FBXO36: variants seen among roughly 807,000 people sequenced by gnomAD.
FBXO36 encodes the protein F-box protein 36, also known as F-box only protein 36.
Under a neutral mutation model 17.0 loss-of-function variants are expected in FBXO36, and 18 were observed. That is an observed-to-expected ratio of 1.06 (90% CI 0.73 to 1.57). The LOEUF is 1.57. Ranked by LOEUF, FBXO36 falls within the 40% of genes most tolerant of loss-of-function variation. The pLI is 0.00. For synonymous variants in FBXO36, 83 were observed against 85.3 expected, an observed-to-expected ratio of 0.97 and a Z score of 0.15; for missense variants, 229 against 221.9, an observed-to-expected ratio of 1.03 and a Z score of -0.20.
chr2:229,939,959 C>T (rs145763514), intron 1 of FBXO36, among the ~76,000 whole-genome samples: 2,346 of 152,066 alleles, frequency 0.015, 45 homozygotes, highest in Non-Finnish European at 0.025. Context: ...GGCGCAGGCC[C>T]GTAGTCCCAG....
chr2:229,981,717 A>G (rs2077241242), intron 2 of FBXO36, among the ~76,000 whole-genome samples: 1 of 140,072 alleles, frequency 7.1e-6, no homozygotes, highest in Admixed American at 7.3e-5. Context: ...AAAAAAAAAA[A>G]GAAAGAAAGA....
chr2:229,997,499 AC>A (rs1385194924), intron 3 of FBXO36, among the ~76,000 whole-genome samples: 1 of 150,916 alleles, frequency 6.6e-6, no homozygotes, highest in Non-Finnish European at 1.5e-5. Context: ...AATCACTTGA[AC>A]CCGGGAGGTG....
intron 3 of FBXO36, among the ~76,000 whole-genome samples, chr2:230,006,349 G>A (rs1319772537): frequency 6.6e-6 from 1 of 152,086 alleles, no homozygotes; most frequent in African/African-American, 2.4e-5. Context: ...GCCTGCCTTG[G>A]CCTCCCAAAG....
chr2:229,994,868 C>G (rs755643373), intron 2 of FBXO36, among the ~76,000 whole-genome samples: 1 of 152,162 alleles, frequency 6.6e-6, no homozygotes, highest in Non-Finnish European at 1.5e-5. Context: ...GTAATCCCAG[C>G]ACTTTGGGAG....
chr2:229,923,847 GTTTTTTT>G (rs71045800), intron 1 of FBXO36, among the ~76,000 whole-genome samples: 18 of 77,698 alleles, frequency 2.3e-4, no homozygotes, highest in African/African-American at 8.9e-4. Context: ...TTTTGGTGTT[GTTTTTTT>G]TTTTTTTTTT....
intron 3 of FBXO36, among the ~76,000 whole-genome samples, chr2:230,004,638 C>T (rs539978724): frequency 1.8e-4 from 28 of 152,234 alleles, no homozygotes; most frequent in African/African-American, 6.5e-4. Context: ...TTCTAAAAAG[C>T]ATGTAGTAAC....
chr2:229,928,235 C>G (rs1182559457), intron 1 of FBXO36, among the ~76,000 whole-genome samples: 2 of 152,170 alleles, frequency 1.3e-5, no homozygotes, highest in Non-Finnish European at 2.9e-5. Flanking sequence ...CGGTGGATCT[C>G]TGTTTACTCA....
intron 3 of FBXO36, among the ~76,000 whole-genome samples, chr2:230,002,327 A>G (rs2077363496): frequency 6.6e-6 from 1 of 152,084 alleles, no homozygotes; most frequent in Non-Finnish European, 1.5e-5. Flanking sequence ...AATCTAGCTT[A>G]CTACACTGCA....
intron 1 of FBXO36, among the ~76,000 whole-genome samples, chr2:229,963,533 C>T (rs1230330860): frequency 6.6e-6 from 1 of 151,540 alleles, no homozygotes; most frequent in African/African-American, 2.4e-5. Flanking sequence ...CAAGCTCCGC[C>T]TCGTGGGTTC....
chr2:229,950,334 G>A (rs1443918235), intron 1 of FBXO36, among the ~76,000 whole-genome samples: 1 of 152,080 alleles, frequency 6.6e-6, no homozygotes, highest in Non-Finnish European at 1.5e-5. Context: ...GCTGAGGCAG[G>A]AGAATCGCTT....
chr2:229,963,730 C>T (rs1029232966), intron 1 of FBXO36, among the ~76,000 whole-genome samples: 4 of 152,184 alleles, frequency 2.6e-5, no homozygotes, highest in Admixed American at 2.6e-4. Context: ...AGGCGTGAGC[C>T]ACCGCGCCCA....
At chr2:229,923,698 C>G (rs2076865156) in intron 1 of FBXO36, among the ~76,000 whole-genome samples, 1 of 151,762 alleles carries the variant, frequency 6.6e-6, no homozygotes, top group Admixed American at 6.5e-5. Flanking sequence ...TAAAACAGTA[C>G]TGCTCCTTGC....
intron 1 of FBXO36, among the ~76,000 whole-genome samples, chr2:229,932,112 G>A (rs2076941785): frequency 6.6e-6 from 1 of 151,712 alleles, no homozygotes; most frequent in South Asian, 2.1e-4. Context: ...GCTGGGCGCA[G>A]TAGTCACACC....
chr2:229,953,271 G>A (rs368030491), intron 1 of FBXO36, among the ~76,000 whole-genome samples: 2 of 152,166 alleles, frequency 1.3e-5, no homozygotes, highest in East Asian at 1.9e-4. Flanking sequence ...CCCGGGAGGC[G>A]GAGGTTGCAG....
chr2:229,993,037 T>C (rs1560453147), intron 2 of FBXO36, among the ~76,000 whole-genome samples: 1 of 152,188 alleles, frequency 6.6e-6, no homozygotes, highest in Non-Finnish European at 1.5e-5. Context: ...AATCATAGTC[T>C]CATCAGATGG....
chr2:229,958,793 A>G (rs2077105735), intron 1 of FBXO36, among the ~76,000 whole-genome samples: 1 of 152,212 alleles, frequency 6.6e-6, no homozygotes, highest in Non-Finnish European at 1.5e-5. Flanking sequence ...CTCGCCCTGT[A>G]TGTAAACAAA....
chr2:229,999,212 C>T (rs994070040), intron 3 of FBXO36, among the ~76,000 whole-genome samples: 10 of 150,626 alleles, frequency 6.6e-5, no homozygotes, highest in Middle Eastern at 3.2e-3. Flanking sequence ...CTGCAACCTC[C>T]GCCTATTGGG....
intron 1 of FBXO36, among the ~76,000 whole-genome samples, chr2:229,955,643 A>G (rs181376463): frequency 1.6e-3 from 237 of 152,308 alleles, no homozygotes; most frequent in Non-Finnish European, 3.0e-3. Context: ...GCCTAAAACA[A>G]TGCCCTCTGT....
intron 1 of FBXO36, chr2:229,942,653 T>G (rs1363958268): frequency 6.6e-6 from 1 of 152,380 alleles, no homozygotes; most frequent in African/African-American, 2.4e-5. Context: ...CAGTGCCTAC[T>G]TGCTGCTCCA....
Sources: allele counts gnomAD v4.1 joint callset (sites outside exome capture counted in the v4.1 genomes callset), GRCh38; gene constraint gnomAD v4.1.1; transcripts MANE v1.5; gene names NCBI Gene and HGNC (gene_info 2026-07-23, HGNC 2026-07-21).